AUTS2: variants seen among roughly 807,000 people sequenced by gnomAD.
AUTS2 encodes the protein autism susceptibility gene 2 protein.
AUTS2 carries 17 observed loss-of-function variants against 112.4 expected under a neutral mutation model. That is an observed-to-expected ratio of 0.15 (90% CI 0.10 to 0.23). The LOEUF is 0.23. AUTS2 is among the 10% of genes least tolerant of loss of function. AUTS2 has a pLI of 1.00. For synonymous variants in AUTS2, 751 were observed against 702.7 expected (o/e 1.07, Z -1.09); for missense variants, 1,510 against 1,701.6 (o/e 0.89, Z 1.98).
chr7:70,155,578 C>T (rs548885666), intron 4 of AUTS2, among the ~76,000 whole-genome samples: 35 of 151,788 alleles, frequency 2.3e-4, no homozygotes, highest in African/African-American at 8.0e-4. Flanking sequence ...AATCCTTTCT[C>T]GGTATCCGTC....
chr7:70,320,615 G>T (rs1214659873), intron 4 of AUTS2, among the ~76,000 whole-genome samples: 1 of 152,182 alleles, frequency 6.6e-6, no homozygotes, highest in African/African-American at 2.4e-5. Flanking sequence ...TTGTTTTCAA[G>T]GAGTAAGTAC....
chr7:70,672,640 G>T lies in AUTS2; in HGVS notation c.691-25929G>T, dbSNP rs574215912. On this transcript the variant is annotated intron_variant, in intron 5 of 18. Coordinates refer to ENST00000342771, the MANE Select transcript of AUTS2 (RefSeq NM_015570.4). ...TTTTTTTGAGACGGAATCTCACTCT[G>T]TCACCAGGCTGGAGTGTAATGGCGC... Among the ~76,000 whole-genome samples, 32 of 151,936 alleles carry T rather than the reference G, an allele frequency of 2.1e-4. 1 individual carries two copies. In the South Asian group the frequency reaches 6.5e-3, roughly 31 times the overall value.
At chr7:70,737,801 T>G (rs1787860077) in intron 6 of AUTS2, among the ~76,000 whole-genome samples, 1 of 152,212 alleles carries the variant, frequency 6.6e-6, no homozygotes, top group Non-Finnish European at 1.5e-5. Flanking sequence ...TTTAGAGCCC[T>G]TGGGCTTCAT....
intron 1 of AUTS2, among the ~76,000 whole-genome samples, chr7:69,638,945 A>G (rs532512632): frequency 6.6e-6 from 1 of 152,344 alleles, no homozygotes; most frequent in African/African-American, 2.4e-5. Flanking sequence ...GTTTGTTTGG[A>G]ACTTTTCAAT....
At chr7:70,511,556 A>ATTTTTTTTT (rs1799189711) in intron 5 of AUTS2, among the ~76,000 whole-genome samples, 4 of 41,762 alleles carry the variant, frequency 9.6e-5, no homozygotes, top group East Asian at 9.3e-4. Flanking sequence ...ACTTTTTTTC[A>ATTTTTTTTT]TTTTCTTTTT....
intron 2 of AUTS2, among the ~76,000 whole-genome samples, chr7:70,085,500 G>C (rs13437638): frequency 0.08 from 12,213 of 151,934 alleles, 630 homozygotes; most frequent in African/African-American, 0.13. Flanking sequence ...TGAGTAGCTG[G>C]AATTACAGGT....
At chr7:69,989,331 G>A (rs1798644063) in intron 2 of AUTS2, among the ~76,000 whole-genome samples, 1 of 152,146 alleles carries the variant, frequency 6.6e-6, no homozygotes, top group Non-Finnish European at 1.5e-5. Context: ...GGCACTTCAA[G>A]GGGTTTGAGG....
intron 5 of AUTS2, among the ~76,000 whole-genome samples, chr7:70,647,943 G>C (rs993689500): frequency 6.6e-6 from 1 of 152,184 alleles, no homozygotes; most frequent in African/African-American, 2.4e-5. Flanking sequence ...GACCTACCAA[G>C]AGTATCCATT....
At chr7:70,418,999 G>A (rs185279087) in intron 4 of AUTS2, among the ~76,000 whole-genome samples, 5 of 151,996 alleles carry the variant, frequency 3.3e-5, no homozygotes, top group African/African-American at 1.2e-4. Flanking sequence ...TACCTTGAGA[G>A]GTAGTTACTA....
intron 2 of AUTS2, among the ~76,000 whole-genome samples, chr7:70,014,800 A>G (rs763435425): frequency 3.9e-5 from 6 of 152,208 alleles, no homozygotes; most frequent in African/African-American, 7.2e-5. Context: ...GTTTGAGAAT[A>G]CTGTCCCCCA....
intron 6 of AUTS2, among the ~76,000 whole-genome samples, chr7:70,759,519 G>A (rs1244013902): frequency 6.6e-6 from 1 of 152,220 alleles, no homozygotes; most frequent in Non-Finnish European, 1.5e-5. Context: ...GTGCCGTACA[G>A]ATTTGCAGGG....
intron 4 of AUTS2, among the ~76,000 whole-genome samples, chr7:70,344,712 T>G (rs1791416117): frequency 6.6e-6 from 1 of 152,202 alleles, no homozygotes; most frequent in African/African-American, 2.4e-5. Flanking sequence ...TGGCTAGCAG[T>G]ATGTCTCCCC....
At chr7:70,606,897 C>T (rs1208750596) in intron 5 of AUTS2, among the ~76,000 whole-genome samples, 1 of 150,858 alleles carries the variant, frequency 6.6e-6, no homozygotes, top group Non-Finnish European at 1.5e-5. Context: ...TCATGGAGGA[C>T]TTCTCATACA....
At chr7:70,537,161 A>G (rs779946330) in intron 5 of AUTS2, among the ~76,000 whole-genome samples, 1 of 152,146 alleles carries the variant, frequency 6.6e-6, no homozygotes, top group Non-Finnish European at 1.5e-5. Flanking sequence ...AACAAGGACA[A>G]GTATATGTTC....
intron 4 of AUTS2, among the ~76,000 whole-genome samples, chr7:70,286,234 G>T (rs906300320): frequency 2.0e-5 from 3 of 152,198 alleles, no homozygotes; most frequent in Non-Finnish European, 4.4e-5. Flanking sequence ...GGTCTTGAAG[G>T]CCAGGTGTAG....
At chr7:69,678,709 T>C (rs1389326819) in intron 1 of AUTS2, among the ~76,000 whole-genome samples, 1 of 152,198 alleles carries the variant, frequency 6.6e-6, no homozygotes, top group Non-Finnish European at 1.5e-5. Flanking sequence ...ACAGATATAT[T>C]GCCAGATAGC....
At chr7:69,984,002 C>CT (rs939513957) in intron 2 of AUTS2, among the ~76,000 whole-genome samples, 22 of 152,178 alleles carry the variant, frequency 1.4e-4, no homozygotes, top group African/African-American at 5.1e-4. Flanking sequence ...AATTATCACT[C>CT]TTTTTTATGC....
Position 69,714,851 on chromosome 7 carries a change from T to A in AUTS2, c.309+114889T>A, listed in dbSNP as rs143695959. ...ATTCACAGTCATTCTCCATTTATTTTGGTCTTTCTGTAAATTTTTTAGCAG... is the reference window on the plus strand; with the variant it reads ...ATTCACAGTCATTCTCCATTTATTTAGGTCTTTCTGTAAATTTTTTAGCAG... On this transcript the variant is annotated intron_variant, in intron 1 of 18. Coordinates refer to ENST00000342771, the MANE Select transcript of AUTS2 (RefSeq NM_015570.4). 3.2e-3 allele frequency among the ~76,000 whole-genome samples: 485 copies of A among 152,252 alleles called. 2 individuals carry two copies. The highest frequency in any genetic ancestry group is 0.011 in the African/African-American group (463 of 41,560).
chr7:70,141,932 C>A (rs188890589), intron 4 of AUTS2, among the ~76,000 whole-genome samples: 1 of 152,206 alleles, frequency 6.6e-6, no homozygotes, highest in Non-Finnish European at 1.5e-5. Flanking sequence ...CTTCTGCCTA[C>A]ACACTATGTT....
Sources: allele counts gnomAD v4.1 joint callset (sites outside exome capture counted in the v4.1 genomes callset), GRCh38; gene constraint gnomAD v4.1.1; transcripts MANE v1.5; gene names NCBI Gene and HGNC (gene_info 2026-07-23, HGNC 2026-07-21).